VAV2: variants seen among roughly 807,000 people sequenced by gnomAD.
The protein encoded by VAV2 is vav guanine nucleotide exchange factor 2, also known as guanine nucleotide exchange factor VAV2.
VAV2 carries 67 observed loss-of-function variants against 132.5 expected under a neutral mutation model. The observed-to-expected ratio is 0.51, with a 90% CI of 0.42 to 0.62. The LOEUF is 0.62. VAV2 is among the 20% of genes least tolerant of loss of function. The pLI, the probability that VAV2 is intolerant of heterozygous loss-of-function variation, is 0.00. For missense variants in VAV2, 938 were observed against 1,153.6 expected (o/e 0.81, Z 2.71); for synonymous variants, 492 against 443.5 (o/e 1.11, Z -1.37).
chr9:133,854,294 C>A (rs1426783412), intron 3 of VAV2, among the ~76,000 whole-genome samples: 1 of 151,404 alleles, frequency 6.6e-6, no homozygotes, highest in Non-Finnish European at 1.5e-5. Flanking sequence ...CACACACACA[C>A]CCATGTGCAC....
Position 133,764,037 on chromosome 9 carries a change from G to A in VAV2, c.*25C>T. ...TGGAGTGACTCTCCCAAGAAAATCT[G>A]CGAGTCTTGTCCACGTTCCTGCCGT... On this transcript the variant is annotated 3_prime_UTR_variant, in exon 30 of 30. Transcript: ENST00000371850. The A allele has an allele frequency of 6.2e-7, 1 of 1,614,020 alleles. No individual in the cohort carries two copies. The highest frequency in any genetic ancestry group is 8.5e-7 in the Non-Finnish European group (1 of 1,179,940).
chr9:133,982,489 T>C (rs548441161), intron 1 of VAV2, among the ~76,000 whole-genome samples: 5 of 145,472 alleles, frequency 3.4e-5, no homozygotes, highest in Non-Finnish European at 6.1e-5. Context: ...AGAGGGGGCC[T>C]AGGATGGGGC....
chr9:133,859,630 A>G (rs1837518761), intron 3 of VAV2, among the ~76,000 whole-genome samples: 1 of 152,018 alleles, frequency 6.6e-6, no homozygotes, highest in South Asian at 2.1e-4. Context: ...TAAAAAAAAC[A>G]AAACAAAACA....
At chr9:133,887,628 C>T (rs984744591) in intron 2 of VAV2, among the ~76,000 whole-genome samples, 19 of 152,238 alleles carry the variant, frequency 1.2e-4, no homozygotes, top group African/African-American at 4.6e-4. Context: ...ACCACGGACT[C>T]CACTTACCCC....
At chr9:133,894,123 T>C (rs977813165) in intron 2 of VAV2, among the ~76,000 whole-genome samples, 17 of 152,316 alleles carry the variant, frequency 1.1e-4, no homozygotes, top group African/African-American at 3.8e-4. Context: ...GGTGAGACCC[T>C]AGAGGTCACC....
At position 133,794,308 on chromosome 9, in the gene VAV2, G is replaced by C. The variant is rs1162952731; in HGVS notation, c.1101+1360C>G. On this transcript the variant is annotated intron_variant, in intron 12 of 29. Coordinates refer to ENST00000371850, the MANE Select transcript of VAV2 (RefSeq NM_001134398.2). The surrounding 1 kb of genome is among the most constrained non-coding windows in gnomAD (Gnocchi z 4.6). ...TTCTGTCAGCCCGTCATGGCAGGAG[G>C]CTTTCCTGGAGCATTCCTCAGGGTG... is the stretch of plus-strand genomic sequence containing the variant. Among the ~76,000 whole-genome samples, 1 of 152,200 alleles carries C rather than the reference G, an allele frequency of 6.6e-6. No individual in the cohort carries two copies. The highest frequency in any genetic ancestry group is 3.4e-3 in the Middle Eastern group (1 of 294).
intron 1 of VAV2, among the ~76,000 whole-genome samples, chr9:133,978,534 CA>C (rs1445410308): frequency 6.6e-6 from 1 of 152,238 alleles, no homozygotes; most frequent in Non-Finnish European, 1.5e-5. Context: ...AAGTACAAAA[CA>C]AACCAACAGA....
At chr9:133,873,612 C>A (rs534786749) in intron 2 of VAV2, among the ~76,000 whole-genome samples, 53 of 152,314 alleles carry the variant, frequency 3.5e-4, no homozygotes, top group Non-Finnish European at 5.3e-4. Context: ...GTTCCTAATG[C>A]CAGCACGGAA....
At chr9:133,798,951 C>T (rs1834827142) in intron 9 of VAV2, among the ~76,000 whole-genome samples, 1 of 152,232 alleles carries the variant, frequency 6.6e-6, no homozygotes, top group East Asian at 1.9e-4. Context: ...AAGCCCAGGG[C>T]AGGCTCTTGG....
intron 1 of VAV2, among the ~76,000 whole-genome samples, chr9:133,971,992 G>C (rs551047784): frequency 8.1e-4 from 123 of 152,290 alleles, no homozygotes; most frequent in Non-Finnish European, 1.6e-3. Context: ...CAGAGATGCA[G>C]ATAGGCACAG....
chr9:133,953,322 C>T (rs1181569242), intron 1 of VAV2, among the ~76,000 whole-genome samples: 1 of 152,244 alleles, frequency 6.6e-6, no homozygotes, highest in East Asian at 1.9e-4. Flanking sequence ...CCCACCACAA[C>T]AGGCACTTGG....
rs151004200 is a variant in VAV2, at chr9:133,834,595, G to A, written c.381-255C>T. On this transcript the variant is annotated intron_variant, in intron 3 of 29. Coordinates refer to ENST00000371850, the MANE Select transcript of VAV2 (RefSeq NM_001134398.2). The surrounding 1 kb of genome is among the most constrained non-coding windows in gnomAD (Gnocchi z 5.9). ...ATGTGTCACGCCCACTCCGGGCTCCGGGTGTCCAGTGGGAAGACGAGAGGC... is the reference window on the plus strand; with the variant it reads ...ATGTGTCACGCCCACTCCGGGCTCCAGGTGTCCAGTGGGAAGACGAGAGGC... Among the ~76,000 whole-genome samples, 1,502 of 152,346 alleles carry A rather than the reference G, an allele frequency of 9.9e-3. 21 individuals are homozygous for A. The highest frequency in any genetic ancestry group is 0.034 in the African/African-American group (1,422 of 41,582).
chr9:133,917,826 G>A (rs1353092833), intron 2 of VAV2, among the ~76,000 whole-genome samples: 1 of 152,216 alleles, frequency 6.6e-6, no homozygotes, highest in Non-Finnish European at 1.5e-5. Context: ...GAAAAGGCTA[G>A]CTGGACCCAC....
chr9:133,856,793 C>T (rs1290182727), intron 3 of VAV2, among the ~76,000 whole-genome samples: 5 of 152,236 alleles, frequency 3.3e-5, no homozygotes, highest in South Asian at 2.1e-4. Flanking sequence ...AGCCCCATCG[C>T]TCTAACTCTG....
chr9:133,765,855 T>C (rs1255722174), intron 29 of VAV2, among the ~76,000 whole-genome samples: 2 of 152,020 alleles, frequency 1.3e-5, no homozygotes, highest in Non-Finnish European at 2.9e-5. Context: ...ATAAAGCAAA[T>C]GGGGCAAAAC....
chr9:133,945,164 C>A (rs530945563), intron 1 of VAV2, among the ~76,000 whole-genome samples: 1 of 152,328 alleles, frequency 6.6e-6, no homozygotes, highest in South Asian at 2.1e-4. Flanking sequence ...GATGGTTTGA[C>A]CCCCAAGGCC....
In VAV2 at chr9:133,991,548, C is replaced by A. The variant is rs1843018036; in HGVS notation, c.204+527G>T. ...GAAGAGGCGGAGGCCGGCGAGGGGG[C>A]GGTGCCCGGGGCCAACCCAGCTCCC... On this transcript the variant is annotated intron_variant, in intron 1 of 29. Transcript: ENST00000371850. The surrounding 1 kb of genome is among the most constrained non-coding windows in gnomAD (Gnocchi z 4.8). Among the ~76,000 whole-genome samples the A allele has an allele frequency of 6.6e-6, 1 of 151,894 alleles. No individual in the cohort carries two copies. Among genetic ancestry groups the A allele is most frequent in the Non-Finnish European group, 1.5e-5 (1 of 67,912 alleles).
At chr9:133,829,442 C>A (rs1008903650) in intron 4 of VAV2, among the ~76,000 whole-genome samples, 1 of 152,258 alleles carries the variant, frequency 6.6e-6, no homozygotes, top group African/African-American at 2.4e-5. Context: ...CGGCACAGAG[C>A]CACTGGCCAC....
chr9:133,813,310 G>A (rs564181046), intron 4 of VAV2, among the ~76,000 whole-genome samples: 131 of 152,362 alleles, frequency 8.6e-4, no homozygotes, highest in African/African-American at 2.8e-3. Context: ...TGGCCAGCAC[G>A]CAGGGAGGCG....
Sources: gnomAD v4.1 joint callset for allele counts (sites outside exome capture counted in the v4.1 genomes callset) on GRCh38, gnomAD v4.1.1 for gene constraint, Gnocchi (gnomAD v3.1) non-coding constraint, MANE v1.5 for transcripts, NCBI Gene and HGNC (gene_info 2026-07-23, HGNC 2026-07-21) for gene names.